Variants in DIO2 observed in about 807,000 individuals in gnomAD.
The protein encoded by DIO2 is type II iodothyronine deiodinase.
A neutral mutation model predicts 21.4 loss-of-function variants in DIO2; 19 were observed. The ratio of observed to expected loss-of-function variants is 0.89; its 90% CI spans 0.62 to 1.30. The LOEUF (loss-of-function observed/expected upper bound fraction) is 1.30, where lower values mean the gene tolerates loss of function less well. Ranked by LOEUF, DIO2 falls within the 50% of genes most tolerant of loss-of-function variation. The pLI is 0.00. For synonymous variants in DIO2, 122 were observed against 132.9 expected (o/e 0.92, Z 0.57); for missense variants, 302 against 338.1 (o/e 0.89, Z 0.84).
At chr14:80,225,951 T>A (rs1224201194) in intron 2 of DIO2, among the ~76,000 whole-genome samples, 1 of 152,064 alleles carries the variant, frequency 6.6e-6, no homozygotes, top group African/African-American at 2.4e-5. Context: ...CATTGTTGTG[T>A]CTCCTGATGG....
Position 80,198,772 on chromosome 14 carries a change from A to T in DIO2, c.*3917T>A. The T allele has an allele frequency of 1.3e-5, 1 of 78,174 alleles. No individual in the cohort carries two copies. The highest frequency in any genetic ancestry group is 4.2e-5 in the African/African-American group (1 of 23,662). 4.8% of individuals were successfully genotyped at this position (78,174 alleles called of 1,614,324 possible). A position where few individuals can be genotyped will look rare whatever the true frequency, so the allele number is the denominator to read the frequency against. On this transcript the variant is annotated 3_prime_UTR_variant, in exon 2 of 2. Coordinates refer to ENST00000438257, the MANE Select transcript of DIO2 (RefSeq NM_013989.5). Reference sequence around the variant, plus strand: ...TGACTTTTGGCCATACCATTTAGGGAAAAAAAAAAAAAAAAAAAAACCTCC... The same window carrying T: ...TGACTTTTGGCCATACCATTTAGGGTAAAAAAAAAAAAAAAAAAAACCTCC...
At chr14:80,221,977 G>A (rs1461224153) in intron 2 of DIO2, among the ~76,000 whole-genome samples, 3 of 152,108 alleles carry the variant, frequency 2.0e-5, no homozygotes, top group Admixed American at 6.5e-5. Flanking sequence ...ATGTTTTGGA[G>A]GTTTTTATGG....
intron 2 of DIO2, among the ~76,000 whole-genome samples, chr14:80,218,374 G>T (rs1355856448): frequency 6.6e-6 from 1 of 152,114 alleles, no homozygotes; most frequent in South Asian, 2.1e-4. Flanking sequence ...GAACTTTATG[G>T]GTGGGTTCTT....
chr14:80,209,667 A>G (rs1371446641), intron 1 of DIO2, among the ~76,000 whole-genome samples: 1 of 152,214 alleles, frequency 6.6e-6, no homozygotes, highest in Non-Finnish European at 1.5e-5. Flanking sequence ...AATATAAATG[A>G]GTTTTTACTG....
chr14:80,225,670 T>A (rs574448181), intron 2 of DIO2, among the ~76,000 whole-genome samples: 2 of 150,848 alleles, frequency 1.3e-5, no homozygotes, highest in African/African-American at 2.4e-5. Flanking sequence ...AGGTCGTGGG[T>A]TTTTTTTCCT....
intron 1 of DIO2, 46 bp from the exon 2 acceptor site, chr14:80,203,334 A>G: frequency 6.7e-7 from 1 of 1,481,802 alleles, no homozygotes; most frequent in Non-Finnish European, 9.0e-7. Flanking sequence ...GAAGGTGAGA[A>G]TATCACATTA....
chr14:80,223,416 C>T (rs1450625799), intron 2 of DIO2, among the ~76,000 whole-genome samples: 1 of 151,990 alleles, frequency 6.6e-6, no homozygotes, highest in Non-Finnish European at 1.5e-5. Flanking sequence ...AAACTTTGGG[C>T]TGGAAAAGGT....
chr14:80,224,964 GA>G (rs1438346711), intron 2 of DIO2, among the ~76,000 whole-genome samples: 1 of 152,172 alleles, frequency 6.6e-6, no homozygotes, highest in Non-Finnish European at 1.5e-5. Flanking sequence ...TCTCAAAACT[GA>G]AGAACTTGGA....
chr14:80,220,256 T>C (rs1888440460), intron 2 of DIO2, among the ~76,000 whole-genome samples: 1 of 152,102 alleles, frequency 6.6e-6, no homozygotes, highest in African/African-American at 2.4e-5. Flanking sequence ...TGACAGTCCC[T>C]ATCAGTATCA....
intron 2 of DIO2, among the ~76,000 whole-genome samples, chr14:80,230,131 G>T (rs937812816): frequency 6.6e-6 from 1 of 152,250 alleles, no homozygotes; most frequent in Non-Finnish European, 1.5e-5. Context: ...ATGGGTCGAG[G>T]CGGGGATGTG....
intron 2 of DIO2, among the ~76,000 whole-genome samples, chr14:80,224,122 C>T: frequency 6.6e-6 from 1 of 152,164 alleles, no homozygotes; most frequent in East Asian, 1.9e-4. Flanking sequence ...ATGTAATCTT[C>T]ATAACAATCT....
At chr14:80,228,369 T>C (rs920320856) in intron 2 of DIO2, among the ~76,000 whole-genome samples, 1 of 152,186 alleles carries the variant, frequency 6.6e-6, no homozygotes, top group Non-Finnish European at 1.5e-5. Context: ...TGAAACCACA[T>C]CTGGTACAGC....
Position 80,202,674 on chromosome 14 carries a change from C to G in DIO2, c.*15G>C. ...ATAACTTTTTAAAACAATAAGCTCT[C>G]TTATAATCATACCTTTAACCAGCTA... On this transcript the variant is annotated 3_prime_UTR_variant, in exon 2 of 2. Transcript: ENST00000438257. 6.3e-7 allele frequency: 1 copy of G among 1,594,596 alleles called. No individual in the cohort carries two copies. Among genetic ancestry groups the G allele is most frequent in the Non-Finnish European group, 8.5e-7 (1 of 1,169,824 alleles).
At chr14:80,205,685 A>G in intron 1 of DIO2, 1 of 1,331,726 alleles carries the variant, frequency 7.5e-7, no homozygotes, top group Non-Finnish European at 9.9e-7. Flanking sequence ...TCTTTCCAAA[A>G]CACAGACTAA....
upstream of DIO2, among the ~76,000 whole-genome samples, chr14:80,213,743 G>A (rs1031505302): frequency 1.3e-5 from 2 of 152,140 alleles, no homozygotes; most frequent in African/African-American, 4.8e-5. Flanking sequence ...ACAATATGAT[G>A]TGAATGGGGG....
intron 2 of DIO2, among the ~76,000 whole-genome samples, chr14:80,226,740 G>A (rs1888583696): frequency 6.6e-6 from 1 of 152,192 alleles, no homozygotes; most frequent in Non-Finnish European, 1.5e-5. Flanking sequence ...GGGCCCATTG[G>A]GCAATGACAG....
chr14:80,210,597 C>T (rs184031928), intron 1 of DIO2, among the ~76,000 whole-genome samples: 5 of 152,264 alleles, frequency 3.3e-5, no homozygotes, highest in Admixed American at 1.3e-4. Context: ...ACTTTTCTTT[C>T]GCAAGTTGAT....
intron 1 of DIO2, 40 bp from the exon 2 acceptor site, chr14:80,203,328 G>A (rs1236559937): frequency 5.4e-6 from 8 of 1,483,496 alleles, no homozygotes; most frequent in Middle Eastern, 3.6e-4. Context: ...GAAGAAGAAG[G>A]TGAGAATATC....
intron 3 of DIO2, among the ~76,000 whole-genome samples, chr14:80,216,536 T>C (rs1285517575): frequency 1.3e-5 from 2 of 152,136 alleles, no homozygotes; most frequent in African/African-American, 2.4e-5. Context: ...TTTATCAGCC[T>C]CTAGAGACAC....
Sources: allele counts gnomAD v4.1 joint callset (sites outside exome capture counted in the v4.1 genomes callset), GRCh38; gene constraint gnomAD v4.1.1; transcripts MANE v1.5; gene names NCBI Gene and HGNC (gene_info 2026-07-23, HGNC 2026-07-21).